The following PHKB variants were observed in gnomAD, a reference collection of about 807,000 sequenced individuals.
PHKB encodes phosphorylase b kinase regulatory subunit beta.
PHKB carries 122 observed loss-of-function variants against 152.1 expected under a neutral mutation model. That is an observed-to-expected ratio of 0.80 (90% CI 0.69 to 0.93). The LOEUF is 0.93. PHKB is among the 40% of genes least tolerant of loss of function. The probability of loss-of-function intolerance (pLI) is 0.00; values close to 1 mark genes in which losing one functional copy is unlikely to be tolerated. For missense variants in PHKB, 1,304 were observed against 1,328.4 expected (o/e 0.98, Z 0.29); for synonymous variants, 436 against 464.9 (o/e 0.94, Z 0.80).
intron 5 of PHKB, 118 bp downstream of exon 5, chr16:47,511,890 A>T (rs753728166): frequency 1.4e-5 from 10 of 720,338 alleles, no homozygotes; most frequent in Non-Finnish European, 2.5e-5. Flanking sequence ...CGGATGGGGT[A>T]GGGGCTAGAT....
At position 47,611,669 on chromosome 16, in the gene PHKB, A is replaced by AAC. The variant is rs764761481; in HGVS notation, c.1458+767_1458+768dup. Among the ~76,000 whole-genome samples the AAC allele has an allele frequency of 1.3e-3, 196 of 150,474 alleles. 1 individual carries two copies. Among genetic ancestry groups the AAC allele is most frequent in the East Asian group, 8.0e-3 (41 of 5,132 alleles). ...AAAAAAAATGTGTATTATACACACAAACACACACACACACACACAGAGCAA... is the reference window on the plus strand; with the variant it reads ...AAAAAAAATGTGTATTATACACACAAACACACACACACACACACACAGAGCAA... On this transcript the variant is annotated intron_variant, in intron 14 of 30. Coordinates refer to ENST00000323584, the MANE Select transcript of PHKB (RefSeq NM_000293.3).
intron 4 of PHKB, among the ~76,000 whole-genome samples, chr16:47,508,837 AT>A (rs1413884396): frequency 6.6e-6 from 1 of 152,172 alleles, no homozygotes; most frequent in Non-Finnish European, 1.5e-5. Context: ...AGCATGCCCC[AT>A]TAATCTTCAA....
chr16:47,512,634 C>A lies in PHKB; in HGVS notation c.513+862C>A, dbSNP rs182807091. Among the ~76,000 whole-genome samples, 24 of 152,170 alleles carry A rather than the reference C, an allele frequency of 1.6e-4. No homozygotes were observed. The East Asian group carries it at 3.9e-3, about 24-fold the overall frequency. ...CTTATATAATATATTAAATTTTATA[C>A]CTATGCTTAGAACACACTGGAGGTT... On this transcript the variant is annotated intron_variant, in intron 5 of 30. Transcript: ENST00000323584.
intron 7 of PHKB, among the ~76,000 whole-genome samples, chr16:47,557,738 G>A (rs1048214413): frequency 6.6e-6 from 1 of 152,146 alleles, no homozygotes; most frequent in East Asian, 1.9e-4. Context: ...GAAACAACAG[G>A]TGCTGGAGAG....
chr16:47,522,619 TG>T (rs1970704049), intron 6 of PHKB, among the ~76,000 whole-genome samples: 1 of 151,842 alleles, frequency 6.6e-6, no homozygotes, highest in Non-Finnish European at 1.5e-5. Flanking sequence ...TAGTTTCTTG[TG>T]CTAAAAGATT....
At chr16:47,693,289 T>C in intron 27 of PHKB, 89 bp from the exon 28 acceptor site, 2 of 1,329,640 alleles carry the variant, frequency 1.5e-6, no homozygotes, top group Non-Finnish European at 2.2e-6. Flanking sequence ...TTTCTTACCC[T>C]ATCAGAACAA....
At chr16:47,581,866 G>C (rs1410823243) in intron 8 of PHKB, among the ~76,000 whole-genome samples, 1 of 152,050 alleles carries the variant, frequency 6.6e-6, no homozygotes, top group East Asian at 1.9e-4. Flanking sequence ...TTTTAGTTGA[G>C]ACGGGGTTTC....
intron 20 of PHKB, among the ~76,000 whole-genome samples, chr16:47,654,263 C>T (rs1250659861): frequency 6.6e-6 from 1 of 152,180 alleles, no homozygotes; most frequent in African/African-American, 2.4e-5. Flanking sequence ...TACCATCTCA[C>T]ACCAGTTAAA....
chr16:47,515,415 A>G, intron 5 of PHKB, 106 bp from the exon 6 acceptor site: 2 of 710,150 alleles, frequency 2.8e-6, no homozygotes, highest in Non-Finnish European at 5.2e-6. Flanking sequence ...AAATAGTTTT[A>G]TGACACTATT....
chr16:47,596,633 C>T lies in PHKB; in HGVS notation c.1363+102C>T, dbSNP rs1227909257. The T allele has an allele frequency of 4.5e-6, 5 of 1,114,138 alleles. No individual in the cohort carries two copies. The East Asian group carries it at 9.5e-5, about 21-fold the overall frequency. The allele number at this position is 1,114,138 out of a possible 1,614,324, so 69.0% of individuals were successfully genotyped here. A position where few individuals can be genotyped will look rare whatever the true frequency, so the allele number is the denominator to read the frequency against. ...TTTATGTTGGATTTGGGTGGTGTTT[C>T]ATGGTCTTGAGAGGTCTTTAGGGAG... On this transcript the variant is annotated intron_variant, in intron 13 of 30. Coordinates refer to ENST00000323584, the MANE Select transcript of PHKB (RefSeq NM_000293.3).
chr16:47,580,265 A>C (rs1971819770), intron 7 of PHKB, 30 bp from the exon 8 acceptor site: 3 of 1,561,436 alleles, frequency 1.9e-6, no homozygotes, highest in African/African-American at 2.7e-5. Flanking sequence ...CATACATTAG[A>C]GTAATAAAGC....
At chr16:47,675,631 G>C (rs557358631) in intron 26 of PHKB, 2 of 152,248 alleles carry the variant, frequency 1.3e-5, no homozygotes, top group African/African-American at 4.8e-5. Context: ...CACCTTGGAG[G>C]AGGGGGCCCT....
At chr16:47,626,090 G>A (rs1972704594) in intron 14 of PHKB, among the ~76,000 whole-genome samples, 1 of 152,176 alleles carries the variant, frequency 6.6e-6, no homozygotes, top group Non-Finnish European at 1.5e-5. Flanking sequence ...AAACTCTCAA[G>A]GGTTCCTCAC....
chr16:47,541,874 T>C (rs967119762), intron 6 of PHKB, among the ~76,000 whole-genome samples: 1 of 151,890 alleles, frequency 6.6e-6, no homozygotes, highest in Non-Finnish European at 1.5e-5. Context: ...AAATTTAAGT[T>C]CTTTGTAGAT....
At chr16:47,535,104 G>A (rs796133026) in intron 6 of PHKB, among the ~76,000 whole-genome samples, 16 of 152,338 alleles carry the variant, frequency 1.1e-4, no homozygotes, top group African/African-American at 3.8e-4. Context: ...ACACTAAAGA[G>A]TGTGTGAAAT....
intron 20 of PHKB, among the ~76,000 whole-genome samples, chr16:47,656,288 A>AT (rs968090212): frequency 6.6e-6 from 1 of 152,198 alleles, no homozygotes; most frequent in African/African-American, 2.4e-5. Context: ...AAGTGCGGGG[A>AT]TTACAGGCGT....
At chr16:47,646,569 T>TAAAAAAAAAAAAAAAAAAAAA (rs1973130387) in intron 16 of PHKB, among the ~76,000 whole-genome samples, 1 of 104,784 alleles carries the variant, frequency 9.5e-6, no homozygotes, top group African/African-American at 4.2e-5. Flanking sequence ...AATAAAAAAA[T>TAAAAAAAAAAAAAAAAAAAAA]AATAAAAAAA....
intron 10 of PHKB, among the ~76,000 whole-genome samples, chr16:47,589,391 T>G (rs758170876): frequency 6.6e-5 from 10 of 152,248 alleles, no homozygotes; most frequent in Non-Finnish European, 1.5e-4. Flanking sequence ...AGTGAGGTAT[T>G]TACTGATAAT....
chr16:47,497,654 G>T (rs945246410), intron 2 of PHKB, among the ~76,000 whole-genome samples, 166 bp downstream of exon 2: 1 of 152,142 alleles, frequency 6.6e-6, no homozygotes, highest in African/African-American at 2.4e-5. Flanking sequence ...TCGATATCAG[G>T]ACTATAAAAG....
Sources: allele counts gnomAD v4.1 joint callset (sites outside exome capture counted in the v4.1 genomes callset), GRCh38; gene constraint gnomAD v4.1.1; transcripts MANE v1.5; gene names NCBI Gene and HGNC (gene_info 2026-07-23, HGNC 2026-07-21).